Variants in AMPH observed in about 807,000 individuals in gnomAD.
AMPH encodes the protein amphiphysin.
A neutral mutation model predicts 99.1 loss-of-function variants in AMPH; 49 were observed. The ratio of observed to expected loss-of-function variants is 0.49; its 90% CI spans 0.39 to 0.63. The LOEUF is 0.63. Ranked by LOEUF, AMPH falls within the 20% of genes least tolerant of loss-of-function variation. The pLI is 0.00. For synonymous variants in AMPH, 314 were observed against 317.3 expected (o/e 0.99, Z 0.11); for missense variants, 759 against 863.4 (o/e 0.88, Z 1.52).
intron 1 of AMPH, among the ~76,000 whole-genome samples, chr7:38,550,918 T>TA (rs1562821905): frequency 6.6e-6 from 1 of 152,170 alleles, no homozygotes; most frequent in Non-Finnish European, 1.5e-5. Context: ...ATTTTTGTCG[T>TA]AAAAATGTGA....
chr7:38,582,888 A>G (rs1792516684), intron 1 of AMPH, among the ~76,000 whole-genome samples: 1 of 152,218 alleles, frequency 6.6e-6, no homozygotes, highest in Non-Finnish European at 1.5e-5. Flanking sequence ...GTCAAAATGA[A>G]TAAGACCATC....
intron 18 of AMPH, 86 bp downstream of exon 18, chr7:38,393,919 A>G: frequency 1.5e-6 from 2 of 1,295,194 alleles, no homozygotes; most frequent in South Asian, 1.2e-5. Flanking sequence ...ATACATCCAA[A>G]GAGTTATCAC....
chr7:38,529,721 T>C (rs535564158), intron 2 of AMPH, among the ~76,000 whole-genome samples: 2 of 152,368 alleles, frequency 1.3e-5, no homozygotes, highest in Admixed American at 6.5e-5. Flanking sequence ...AGGCAGTGGC[T>C]ATCTCACAAG....
intron 20 of AMPH, among the ~76,000 whole-genome samples, chr7:38,386,854 A>G (rs1394169986): frequency 6.6e-6 from 1 of 152,186 alleles, no homozygotes. Context: ...AAGGGGTGAG[A>G]TCTATGCTGA....
intron 11 of AMPH, among the ~76,000 whole-genome samples, chr7:38,459,422 C>T (rs1271733926): frequency 6.6e-6 from 1 of 152,040 alleles, no homozygotes; most frequent in African/African-American, 2.4e-5. Flanking sequence ...AAGCTGGAGG[C>T]ATCACATTAC....
chr7:38,620,007 C>T (rs1307230057), intron 1 of AMPH, among the ~76,000 whole-genome samples: 1 of 152,008 alleles, frequency 6.6e-6, no homozygotes, highest in Non-Finnish European at 1.5e-5. Flanking sequence ...GGAGTGCTGC[C>T]ATTAAGTTGG....
chr7:38,466,502 C>G (rs1450630913), intron 7 of AMPH, among the ~76,000 whole-genome samples: 2 of 151,610 alleles, frequency 1.3e-5, no homozygotes, highest in East Asian at 3.9e-4. Context: ...GATTCTCAAA[C>G]TTTAGTGTGC....
intron 1 of AMPH, among the ~76,000 whole-genome samples, chr7:38,542,049 A>G (rs1288233355): frequency 6.6e-6 from 1 of 152,138 alleles, no homozygotes; most frequent in Non-Finnish European, 1.5e-5. Flanking sequence ...TGACTTCAAG[A>G]GAAAAAAAAA....
At chr7:38,432,472 A>G (rs1473858634) in intron 12 of AMPH, among the ~76,000 whole-genome samples, 3 of 152,188 alleles carry the variant, frequency 2.0e-5, no homozygotes, top group Non-Finnish European at 4.4e-5. Flanking sequence ...TAATTGTATT[A>G]TACTTAATAT....
In AMPH at chr7:38,386,295, TA is replaced by T. The variant is rs1784346788; in HGVS notation, c.1981-1371del. On this transcript the variant is annotated intron_variant, in intron 20 of 20. Coordinates refer to ENST00000356264, the MANE Select transcript of AMPH (RefSeq NM_001635.4). ...ATTTTCTGAAGCTCTAGAAAGCATA[TA>T]AAAGGTCATTTTTCCCCCACAAGTG... Among the ~76,000 whole-genome samples the T allele has an allele frequency of 2.0e-5, 3 of 152,246 alleles. No individual in the cohort carries two copies. The South Asian group carries it at 6.2e-4, about 32-fold the overall frequency.
At chr7:38,386,738 T>C (rs752032031) in intron 20 of AMPH, among the ~76,000 whole-genome samples, 35 of 152,308 alleles carry the variant, frequency 2.3e-4, no homozygotes, top group South Asian at 4.1e-4. Flanking sequence ...AATTTATATA[T>C]AATGGGATGG....
chr7:38,398,604 T>C (rs995330388), intron 17 of AMPH, among the ~76,000 whole-genome samples: 1 of 152,096 alleles, frequency 6.6e-6, no homozygotes, highest in Admixed American at 6.5e-5. Flanking sequence ...TTAGAAAGAA[T>C]AAATAAGACC....
chr7:38,416,786 A>C (rs1785397567), intron 17 of AMPH, among the ~76,000 whole-genome samples: 1 of 152,154 alleles, frequency 6.6e-6, no homozygotes, highest in Non-Finnish European at 1.5e-5. Flanking sequence ...CCCTGGTCTA[A>C]AGTCCCTGCA....
intron 9 of AMPH, among the ~76,000 whole-genome samples, chr7:38,464,614 C>T (rs1248627759): frequency 6.6e-6 from 1 of 151,994 alleles, no homozygotes; most frequent in Non-Finnish European, 1.5e-5. Context: ...TATAGAATGT[C>T]AGGACTGTAT....
intron 1 of AMPH, among the ~76,000 whole-genome samples, chr7:38,558,498 C>A (rs948292538): frequency 6.6e-6 from 1 of 152,112 alleles, no homozygotes; most frequent in Non-Finnish European, 1.5e-5. Flanking sequence ...CAATGCCAAA[C>A]GTTAAATCTG....
intron 15 of AMPH, among the ~76,000 whole-genome samples, chr7:38,424,245 C>T (rs906416663): frequency 3.9e-5 from 6 of 152,322 alleles, no homozygotes; most frequent in African/African-American, 1.2e-4. Context: ...GTCAGCTTTT[C>T]AGCATCCCAC....
intron 1 of AMPH, among the ~76,000 whole-genome samples, chr7:38,616,011 G>A (rs1460802288): frequency 6.6e-6 from 1 of 152,192 alleles, no homozygotes; most frequent in East Asian, 1.9e-4. Context: ...TACCACTCAT[G>A]TGAGCATAGG....
intron 5 of AMPH, among the ~76,000 whole-genome samples, chr7:38,479,041 A>AG (rs1470225897): frequency 1.3e-5 from 2 of 152,174 alleles, no homozygotes; most frequent in Non-Finnish European, 2.9e-5. Context: ...GAGAATAATA[A>AG]GCAATATTTC....
At chr7:38,551,050 C>T (rs529895356) in intron 1 of AMPH, among the ~76,000 whole-genome samples, 1 of 152,132 alleles carries the variant, frequency 6.6e-6, no homozygotes, top group Non-Finnish European at 1.5e-5. Context: ...TTGCTCAAAA[C>T]CCCTGTGGAT....
Sources: gnomAD v4.1 joint callset for allele counts (sites outside exome capture counted in the v4.1 genomes callset) on GRCh38, gnomAD v4.1.1 for gene constraint, MANE v1.5 for transcripts, NCBI Gene and HGNC (gene_info 2026-07-23, HGNC 2026-07-21) for gene names.